Variants in ADAMTS19 observed in about 807,000 individuals in gnomAD.
ADAMTS19 encodes A disintegrin and metalloproteinase with thrombospondin motifs 19.
In ADAMTS19, 93 loss-of-function variants were observed where a neutral mutation model predicts 153.3. That is an observed-to-expected ratio of 0.61 (90% confidence interval 0.51 to 0.72). ADAMTS19 has a LOEUF of 0.72. Ranked by LOEUF, ADAMTS19 falls within the 30% of genes least tolerant of loss-of-function variation. The pLI is 0.00. For synonymous variants in ADAMTS19, 600 were observed against 556.6 expected (o/e 1.08, Z -1.10); for missense variants, 1,482 against 1,552.1 (o/e 0.95, Z 0.76).
At chr5:129,692,667 T>C (rs1283228309) in intron 18 of ADAMTS19, among the ~76,000 whole-genome samples, 2 of 152,244 alleles carry the variant, frequency 1.3e-5, no homozygotes, top group African/African-American at 4.8e-5. Context: ...CCAGTCCATG[T>C]TCCATTTGCC....
At chr5:129,714,444 G>T (rs1037618329) in intron 21 of ADAMTS19, among the ~76,000 whole-genome samples, 1 of 114,594 alleles carries the variant, frequency 8.7e-6, no homozygotes, top group Admixed American at 8.6e-5. Flanking sequence ...AAAAAAAAAA[G>T]AAAAATATAT....
At chr5:129,561,857 T>TATCG (rs1753536355) in intron 7 of ADAMTS19, among the ~76,000 whole-genome samples, 2 of 151,594 alleles carry the variant, frequency 1.3e-5, no homozygotes, top group Non-Finnish European at 2.9e-5. Context: ...TCTATCTATC[T>TATCG]ATCTATCTAA....
chr5:129,731,368 A>G (rs2127220212), intron 21 of ADAMTS19, among the ~76,000 whole-genome samples: 1 of 152,266 alleles, frequency 6.6e-6, no homozygotes, highest in Non-Finnish European at 1.5e-5. Flanking sequence ...TTATAAAATA[A>G]CAAATTGTTT....
At chr5:129,615,371 G>A (rs1229304560) in intron 8 of ADAMTS19, among the ~76,000 whole-genome samples, 1 of 151,990 alleles carries the variant, frequency 6.6e-6, no homozygotes, top group Non-Finnish European at 1.5e-5. Flanking sequence ...ATTTCATCCT[G>A]TAGATCATTG....
intron 14 of ADAMTS19, among the ~76,000 whole-genome samples, chr5:129,655,872 A>G (rs1039819769): frequency 7.2e-5 from 11 of 152,198 alleles, no homozygotes; most frequent in African/African-American, 2.7e-4. Flanking sequence ...TTTTGACTAC[A>G]TATTAATTTA....
intron 2 of ADAMTS19, among the ~76,000 whole-genome samples, chr5:129,463,189 T>C (rs1749746560): frequency 6.6e-6 from 1 of 152,174 alleles, no homozygotes; most frequent in Non-Finnish European, 1.5e-5. Context: ...GATTAAATAA[T>C]CACATATAGA....
At chr5:129,509,834 C>A (rs1264510037) in intron 3 of ADAMTS19, among the ~76,000 whole-genome samples, 1 of 151,830 alleles carries the variant, frequency 6.6e-6, no homozygotes, top group Non-Finnish European at 1.5e-5. Flanking sequence ...TTTTTGTCTG[C>A]CAGTTCTTTA....
chr5:129,665,434 G>C, intron 15 of ADAMTS19, 65 bp from the exon 16 acceptor site: 3 of 1,359,796 alleles, frequency 2.2e-6, no homozygotes, highest in African/African-American at 1.5e-5. Context: ...CAAAAGGCAA[G>C]TCAATGAAGA....
chr5:129,548,927 C>CA (rs1412420164), intron 6 of ADAMTS19, among the ~76,000 whole-genome samples: 4 of 146,734 alleles, frequency 2.7e-5, no homozygotes, highest in African/African-American at 1.0e-4. Context: ...ATCGCAAGGA[C>CA]AAAAAACCAA....
chr5:129,512,251 A>G lies in ADAMTS19; in HGVS notation c.913+3009A>G, dbSNP rs375276404. Among the ~76,000 whole-genome samples the G allele has an allele frequency of 5.3e-5, 8 of 152,134 alleles. No individual in the cohort carries two copies. The South Asian group carries it at 1.0e-3, about 20-fold the overall frequency. On this transcript the variant is annotated intron_variant, in intron 3 of 22. Transcript: ENST00000274487. ...TCATCTATCTCCATTCTTCGAGCTG[A>G]CTTAACCAGGCCACTACTGAACTAG...
chr5:129,460,648 A>C (rs187021357), intron 1 of ADAMTS19, 166 bp downstream of exon 1: 595 of 702,154 alleles, frequency 8.5e-4, no homozygotes, highest in Middle Eastern at 5.3e-3. Context: ...TTCGGAAATG[A>C]AGCACACTTC....
At chr5:129,686,542 C>T (rs1037671720) in intron 18 of ADAMTS19, among the ~76,000 whole-genome samples, 5 of 151,994 alleles carry the variant, frequency 3.3e-5, no homozygotes, top group African/African-American at 4.8e-5. Flanking sequence ...ATGGCAGCTG[C>T]ACCACGTCTA....
At chr5:129,537,815 T>C (rs1276901876) in intron 6 of ADAMTS19, among the ~76,000 whole-genome samples, 1 of 151,972 alleles carries the variant, frequency 6.6e-6, no homozygotes, top group Non-Finnish European at 1.5e-5. Context: ...TTAGGAGATA[T>C]ACCTAATGCC....
intron 11 of ADAMTS19, among the ~76,000 whole-genome samples, chr5:129,645,979 C>G (rs931042940): frequency 1.8e-4 from 26 of 144,184 alleles, no homozygotes; most frequent in African/African-American, 6.4e-4. Flanking sequence ...AGCTCCGCCT[C>G]CCGGGTTCAC....
intron 7 of ADAMTS19, among the ~76,000 whole-genome samples, chr5:129,559,549 G>T (rs1279828602): frequency 6.6e-6 from 1 of 152,124 alleles, no homozygotes; most frequent in Admixed American, 6.5e-5. Flanking sequence ...ATGTGCTTCA[G>T]GAGTGAATTT....
At chr5:129,547,784 G>A (rs2126812484) in intron 6 of ADAMTS19, among the ~76,000 whole-genome samples, 1 of 150,740 alleles carries the variant, frequency 6.6e-6, no homozygotes, top group African/African-American at 2.5e-5. Context: ...ACACTACAAG[G>A]CTACAGAAAC....
intron 10 of ADAMTS19, among the ~76,000 whole-genome samples, chr5:129,627,099 G>A (rs1163844173): frequency 6.6e-6 from 1 of 152,082 alleles, no homozygotes; most frequent in Non-Finnish European, 1.5e-5. Flanking sequence ...AGGAATGTAA[G>A]CAGGTCCATG....
At chr5:129,625,831 G>A (rs1459955328) in intron 10 of ADAMTS19, among the ~76,000 whole-genome samples, 1 of 152,138 alleles carries the variant, frequency 6.6e-6, no homozygotes, top group Non-Finnish European at 1.5e-5. Context: ...TTGCTGTGCA[G>A]AAGCTCTTTA....
At chr5:129,537,231 A>T (rs1752471259) in intron 6 of ADAMTS19, among the ~76,000 whole-genome samples, 2 of 152,250 alleles carry the variant, frequency 1.3e-5, no homozygotes, top group South Asian at 4.2e-4. Context: ...ATGAGATACC[A>T]TCTCACACCA....
Sources: gnomAD v4.1 joint callset for allele counts (sites outside exome capture counted in the v4.1 genomes callset) on GRCh38, gnomAD v4.1.1 for gene constraint, MANE v1.5 for transcripts, NCBI Gene and HGNC (gene_info 2026-07-23, HGNC 2026-07-21) for gene names.